The following REN variants were observed in gnomAD, a reference collection of about 807,000 sequenced individuals.
REN encodes the protein angiotensin-forming enzyme.
A neutral mutation model predicts 48.6 loss-of-function variants in REN; 42 were observed. The ratio of observed to expected loss-of-function variants is 0.86; its 90% confidence interval spans 0.68 to 1.12. REN has a LOEUF of 1.12. Ranked by LOEUF, REN falls within the 50% of genes most tolerant of loss-of-function variation. The pLI is 0.00. For synonymous variants in REN, 196 were observed against 204.6 expected (o/e 0.96, Z 0.36); for missense variants, 443 against 527.3 (o/e 0.84, Z 1.57).
rs13306600 is a variant in REN at position 204,156,111 on chromosome 1, G to A, written c.960+67C>T. 8.1e-6 allele frequency: 13 copies of A among 1,608,570 alleles called. No homozygotes were observed. The East Asian group carries it at 2.5e-4, about 30-fold the overall frequency. ...CCTGAGATGGCCTCATTTGCCTGGG[G>A]GATTTGTGAGCCGATACCAGGTGGC... On this transcript the variant is annotated intron_variant, in intron 8 of 9. Coordinates refer to ENST00000272190, the MANE Select transcript of REN (RefSeq NM_000537.4). The surrounding 1 kb of genome is among the most constrained non-coding windows in gnomAD (Gnocchi z 4.2).
intron 5 of REN, 192 bp downstream of exon 5, chr1:204,159,207 T>C (rs1411988607): frequency 3.0e-6 from 2 of 673,418 alleles, no homozygotes; most frequent in Admixed American, 4.3e-5. Flanking sequence ...GAATGCTTAA[T>C]TGATGCTTAA....
At chr1:204,163,506 A>G (rs1318324822) in intron 1 of REN, among the ~76,000 whole-genome samples, 1 of 152,124 alleles carries the variant, frequency 6.6e-6, no homozygotes, top group Non-Finnish European at 1.5e-5. Context: ...TGCATTTCCC[A>G]CTGTTTACTC....
chr1:204,156,767 A>G lies in REN; in HGVS notation c.728T>C (p.Val243Ala), dbSNP rs1027055859. ...ATGCTGGGGGTCGCTGCCTCCCAGC[A>G]CAATCTGTCCTCCCAGCGATTGGGA... ...ENSQSLGGQI[V>A]LGGSDPQHYE... Residue 243 changes from valine (V) to alanine (A), a missense_variant, in exon 7 of 10, where the codon GTG (valine) becomes GCG (alanine). Coordinates refer to ENST00000272190, the MANE Select transcript of REN (RefSeq NM_000537.4). This position sits in a 1 kb window ranked among gnomAD's most constrained non-coding sequence, Gnocchi z 4.2. 11 of 1,613,996 alleles carry G rather than the reference A, an allele frequency of 6.8e-6. No individual in the cohort carries two copies. Among genetic ancestry groups the G allele is most frequent in the African/African-American group, 1.3e-5 (1 of 74,892 alleles).
rs3839003 is a variant in REN, at chr1:204,156,336, T to TCAGACAGACAGACAGA, written c.819-33_819-18dup. The TCAGACAGACAGACAGA allele has an allele frequency of 9.2e-3, 14,655 of 1,587,330 alleles. 133 individuals carry two copies. The highest frequency in any genetic ancestry group is 0.029 in the Admixed American group (1,707 of 58,846). ...ACAGACACCCTGGGGGAGGCCACAG[T>TCAGACAGACAGACAGA]CAGACAGACAGACAGACAGACAGAC... On this transcript the variant is annotated splice_polypyrimidine_tract_variant and intron_variant, in intron 7 of 9. Transcript: ENST00000272190. The surrounding 1 kb of genome is among the most constrained non-coding windows in gnomAD (Gnocchi z 4.2).
intron 1 of REN, among the ~76,000 whole-genome samples, chr1:204,164,886 AATC>A (rs1658316840): frequency 6.6e-6 from 1 of 151,864 alleles, no homozygotes; most frequent in African/African-American, 2.4e-5. Context: ...AGTCTTAATG[AATC>A]ACTTGTTCCC....
intron 9 of REN, among the ~76,000 whole-genome samples, chr1:204,155,406 G>A (rs1019289307): frequency 6.6e-6 from 1 of 152,166 alleles, no homozygotes; most frequent in Non-Finnish European, 1.5e-5. Context: ...ATCAGGCACC[G>A]TGCTTCCTTC....
At chr1:204,164,576 T>G (rs1658311069) in intron 1 of REN, among the ~76,000 whole-genome samples, 1 of 145,728 alleles carries the variant, frequency 6.9e-6, no homozygotes, top group Non-Finnish European at 1.5e-5. Flanking sequence ...TTTTTTTTTT[T>G]TTTTTTTTTT....
rs1295851016 is a variant in REN, at chr1:204,156,754, G to T, written c.741C>A (p.Ser247Arg). The change falls in exon 7 of 10, where the codon AGC becomes AGA. Residue 247 changes from serine (S) to arginine (R), a missense_variant. Transcript: ENST00000272190. This position sits in a 1 kb window ranked among gnomAD's most constrained non-coding sequence, Gnocchi z 4.2. ...AATTCCCTTCGTAATGCTGGGGGTCGCTGCCTCCCAGCACAATCTGTCCTC... is the reference window on the plus strand; with the variant it reads ...AATTCCCTTCGTAATGCTGGGGGTCTCTGCCTCCCAGCACAATCTGTCCTC... ...SLGGQIVLGG[S>R]DPQHYEGNFH... is the part of the protein sequence containing the mutation. 2.5e-6 allele frequency: 4 copies of T among 1,613,668 alleles called. No homozygotes were observed. Among genetic ancestry groups the T allele is most frequent in the Non-Finnish European group, 3.4e-6 (4 of 1,179,808 alleles).
intron 8 of REN, 67 bp from the exon 9 acceptor site, chr1:204,155,985 G>T: frequency 2.0e-6 from 3 of 1,467,780 alleles, no homozygotes; most frequent in African/African-American, 1.4e-5. Flanking sequence ...GGAGTCCTGC[G>T]CTGGTGGCCT....
chr1:204,154,885 A>C lies in REN; in HGVS notation c.*131T>G, dbSNP rs1658121136. On this transcript the variant is annotated 3_prime_UTR_variant, in exon 10 of 10. Coordinates refer to ENST00000272190, the MANE Select transcript of REN (RefSeq NM_000537.4). The stretch of plus-strand genomic sequence containing the variant: ...GAAGGGCTGGTGCAGGGGTCAGGGC[A>C]CGCATCCAGCAGGAGCTCCACATCC... 1 of 1,028,380 alleles carries C rather than the reference A, an allele frequency of 9.7e-7. No homozygotes were observed. The highest frequency in any genetic ancestry group is 1.6e-5 in the African/African-American group (1 of 63,718). The allele number at this position is 1,028,380 out of a possible 1,614,324, so 63.7% of individuals were successfully genotyped here. A position where few individuals can be genotyped will look rare whatever the true frequency, so the allele number is the denominator to read the frequency against.
rs767727275 is a variant in REN at position 204,162,051 on chromosome 1, T to C, written c.211A>G (p.Asn71Asp). The C allele has an allele frequency of 1.2e-5, 19 of 1,613,972 alleles. No individual in the cohort carries two copies. In the Middle Eastern group the frequency reaches 9.9e-4, roughly 84 times the overall value. ...SQPMKRLTLG[N>D]TTSSVILTNY... ...GTGAGGATCACGGAGGAGGTGGTGT[T>C]GCCAAGTGTCAGCCTCTTCATGGGT... The change falls in exon 2 of 10, where the codon AAC becomes GAC. Residue 71 changes from asparagine (N) to aspartate (D), a missense_variant. Physicochemically the swap from Asn to Asp is conservative, Grantham distance 23. Transcript: ENST00000272190.
Position 204,156,136 on chromosome 1 carries a change from C to T in REN, c.960+42G>A, listed in dbSNP as rs559522244. 2.7e-5 allele frequency: 44 copies of T among 1,612,914 alleles called. No individual in the cohort carries two copies. Among genetic ancestry groups the T allele is most frequent in the East Asian group, 4.5e-5 (2 of 44,890 alleles). On this transcript the variant is annotated intron_variant, in intron 8 of 9. Coordinates refer to ENST00000272190, the MANE Select transcript of REN (RefSeq NM_000537.4). The surrounding 1 kb of genome is among the most constrained non-coding windows in gnomAD (Gnocchi z 4.2). ...GGATTTGTGAGCCGATACCAGGTGGCGCTCCCCCCACCCACAGCACCTTCC... is the reference window on the plus strand; with the variant it reads ...GGATTTGTGAGCCGATACCAGGTGGTGCTCCCCCCACCCACAGCACCTTCC...
At chr1:204,165,009 T>G (rs1485359200) in intron 1 of REN, among the ~76,000 whole-genome samples, 3 of 152,050 alleles carry the variant, frequency 2.0e-5, no homozygotes, top group African/African-American at 7.2e-5. Context: ...TTTGCTCTTG[T>G]TGACCAGGCT....
chr1:204,161,881 A>G, intron 2 of REN, 132 bp downstream of exon 2: 1 of 1,116,650 alleles, frequency 9.0e-7, no homozygotes, highest in Non-Finnish European at 1.3e-6. Flanking sequence ...GGAATTTTCT[A>G]GGGTGCTCAC....
At chr1:204,166,109 T>C in intron 1 of REN, 87 bp downstream of exon 1, 2 of 1,074,008 alleles carry the variant, frequency 1.9e-6, no homozygotes, top group East Asian at 4.7e-5. Context: ...AAGGACTGAA[T>C]GACACCGCAT....
chr1:204,160,452 C>G, intron 4 of REN, 108 bp downstream of exon 4: 1 of 798,752 alleles, frequency 1.3e-6, no homozygotes, highest in Non-Finnish European at 2.3e-6. Flanking sequence ...TCCCCAGGCT[C>G]CAAGTGGGCT....
intron 1 of REN, among the ~76,000 whole-genome samples, chr1:204,163,421 A>G (rs1041270093): frequency 2.6e-5 from 4 of 152,206 alleles, no homozygotes. Context: ...ATTTGCTCTC[A>G]TAAGGTGGAT....
At position 204,162,055 on chromosome 1, in the gene REN, A is replaced by G. The variant is rs761046346; in HGVS notation, c.207T>C (p.Leu69=). The G allele has an allele frequency of 2.4e-5, 39 of 1,613,980 alleles. No individual in the cohort carries two copies. Among genetic ancestry groups the G allele is most frequent in the Non-Finnish European group, 3.1e-5 (36 of 1,180,030 alleles). Residue 69 remains leucine (L), a synonymous_variant, in exon 2 of 10, where the codon CTT becomes CTC. Transcript: ENST00000272190. Reference sequence around the variant, plus strand: ...GGATCACGGAGGAGGTGGTGTTGCCAAGTGTCAGCCTCTTCATGGGTTGGC... The same window carrying G: ...GGATCACGGAGGAGGTGGTGTTGCCGAGTGTCAGCCTCTTCATGGGTTGGC... ...EWSQPMKRLT[L]GNTTSSVILT...
rs558853263 is a variant in REN, at chr1:204,156,595, G to T, written c.818+82C>A. ...CTGCATTTGGAAAGAGGGCAGGATGGTAATGCAGTCCTTCCCCACCCTCCC... is the reference window on the plus strand; with the variant it reads ...CTGCATTTGGAAAGAGGGCAGGATGTTAATGCAGTCCTTCCCCACCCTCCC... On this transcript the variant is annotated intron_variant, in intron 7 of 9. Transcript: ENST00000272190. The surrounding 1 kb of genome is among the most constrained non-coding windows in gnomAD (Gnocchi z 4.2). 3.2e-5 allele frequency: 50 copies of T among 1,567,854 alleles called. No homozygotes were observed. The African/African-American group carries it at 6.2e-4, about 19-fold the overall frequency.
Sources: allele counts gnomAD v4.1 joint callset (sites outside exome capture counted in the v4.1 genomes callset), GRCh38; gene constraint gnomAD v4.1.1; non-coding constraint Gnocchi (gnomAD v3.1); transcripts MANE v1.5; gene names NCBI Gene and HGNC (gene_info 2026-07-23, HGNC 2026-07-21).